The following PLEKHA7 variants were observed in gnomAD, a reference collection of about 807,000 sequenced individuals.
PLEKHA7 encodes pleckstrin homology domain containing A7.
Under a neutral mutation model 170.0 loss-of-function variants are expected in PLEKHA7, and 104 were observed. That is an observed-to-expected ratio of 0.61 (90% CI 0.52 to 0.72). The LOEUF (loss-of-function observed/expected upper bound fraction) is 0.72. Ranked by LOEUF, PLEKHA7 falls within the 30% of genes least tolerant of loss-of-function variation. The probability of loss-of-function intolerance (pLI) is 0.00; values close to 1 mark genes in which losing one functional copy is unlikely to be tolerated. For synonymous variants in PLEKHA7, 648 were observed against 660.8 expected, an observed-to-expected ratio of 0.98 and a Z score of 0.30; for missense variants, 1,615 against 1,671.7, an observed-to-expected ratio of 0.97 and a Z score of 0.59.
chr11:16,837,492 T>C (rs1851608675), intron 9 of PLEKHA7, among the ~76,000 whole-genome samples: 1 of 152,158 alleles, frequency 6.6e-6, no homozygotes, highest in Non-Finnish European at 1.5e-5. Context: ...ATCTCTAGTG[T>C]AATAACACAG....
intron 3 of PLEKHA7, among the ~76,000 whole-genome samples, chr11:16,954,813 C>T (rs536846741): frequency 9.2e-5 from 14 of 151,822 alleles, no homozygotes; most frequent in African/African-American, 3.4e-4. Context: ...GCTTCAGCCT[C>T]CGGAGTAGCT....
chr11:16,780,182 A>G lies in PLEKHA7; in HGVS notation c.3794-1162T>C, dbSNP rs548347602. On this transcript the variant is annotated intron_variant, in intron 26 of 26. Transcript: ENST00000531066. ...CTGGTAGTCTGACCTTCCCCTGTCC[A>G]GGTGAACCGCTGGGCTCAAAAGCAA... 1.4e-4 allele frequency among the ~76,000 whole-genome samples: 21 copies of G among 152,320 alleles called. No homozygotes were observed. In the South Asian group the frequency reaches 4.4e-3, roughly 32 times the overall value.
intron 4 of PLEKHA7, among the ~76,000 whole-genome samples, chr11:16,862,362 T>C (rs943546301): frequency 6.6e-6 from 1 of 152,224 alleles, no homozygotes; most frequent in Non-Finnish European, 1.5e-5. Context: ...TGTATGACCC[T>C]GGACCAGTCT....
Position 16,943,937 on chromosome 11 carries a change from T to C in PLEKHA7, c.221+70052A>G, listed in dbSNP as rs777086372. On this transcript the variant is annotated intron_variant, in intron 3 of 26. Coordinates refer to ENST00000531066, the MANE Select transcript of PLEKHA7 (RefSeq NM_001329630.2). ...CAGATTTCCAGGCCCTGCCCAGATATAATAATGAAGAAGTTTAGGGGATGG... is the reference window on the plus strand; with the variant it reads ...CAGATTTCCAGGCCCTGCCCAGATACAATAATGAAGAAGTTTAGGGGATGG... Among the ~76,000 whole-genome samples, 82 of 152,132 alleles carry C rather than the reference T, an allele frequency of 5.4e-4. 1 individual carries two copies. The highest frequency in any genetic ancestry group is 2.4e-4 in the Non-Finnish European group (16 of 68,010).
chr11:16,892,131 C>T (rs976523861), intron 3 of PLEKHA7, among the ~76,000 whole-genome samples: 1 of 152,158 alleles, frequency 6.6e-6, no homozygotes, highest in African/African-American at 2.4e-5. Flanking sequence ...AGAATGCAAA[C>T]CCCAAGCATG....
At chr11:16,968,049 C>T (rs967888423) in intron 3 of PLEKHA7, among the ~76,000 whole-genome samples, 1 of 152,096 alleles carries the variant, frequency 6.6e-6, no homozygotes, top group Non-Finnish European at 1.5e-5. Context: ...ATAGATAGAA[C>T]CCCACTTAGC....
intron 3 of PLEKHA7, among the ~76,000 whole-genome samples, chr11:16,992,013 C>A (rs1864071696): frequency 6.6e-6 from 1 of 152,170 alleles, no homozygotes; most frequent in African/African-American, 2.4e-5. Flanking sequence ...GCCAGGTAGT[C>A]CTGGGCCTTA....
chr11:16,868,376 G>A (rs962321344), intron 4 of PLEKHA7, among the ~76,000 whole-genome samples: 53 of 152,244 alleles, frequency 3.5e-4, no homozygotes, highest in African/African-American at 1.1e-3. Flanking sequence ...TGTAAAATGA[G>A]AAACTATCCT....
Position 16,817,704 on chromosome 11 carries a change from T to C in PLEKHA7, c.1344-382A>G, listed in dbSNP as rs988763840. Reference sequence around the variant, plus strand: ...AGATTTTCTCTCTGCCTGGTATCCTTAGCACCAAGTTCCAGAGGTTCATAA... The same window carrying C: ...AGATTTTCTCTCTGCCTGGTATCCTCAGCACCAAGTTCCAGAGGTTCATAA... On this transcript the variant is annotated intron_variant, in intron 10 of 26. Coordinates refer to ENST00000531066, the MANE Select transcript of PLEKHA7 (RefSeq NM_001329630.2). This position sits in a 1 kb window ranked among gnomAD's most constrained non-coding sequence, Gnocchi z 4.4. Among the ~76,000 whole-genome samples the C allele has an allele frequency of 6.6e-6, 1 of 152,206 alleles. No individual in the cohort carries two copies. The highest frequency in any genetic ancestry group is 1.5e-5 in the Non-Finnish European group (1 of 68,044).
intron 3 of PLEKHA7, among the ~76,000 whole-genome samples, chr11:16,950,502 T>TTA (rs1473225167): frequency 6.9e-6 from 1 of 144,774 alleles, no homozygotes; most frequent in Non-Finnish European, 1.5e-5. Flanking sequence ...AGATAAGACT[T>TTA]TTTTTTTTTT....
chr11:16,803,329 A>G (rs1848729181), intron 13 of PLEKHA7, 34 bp from the exon 14 acceptor site: 1 of 1,585,970 alleles, frequency 6.3e-7, no homozygotes, highest in Admixed American at 1.7e-5. Flanking sequence ...AGATTTAACC[A>G]TGGTGTTTGA....
chr11:16,837,279 C>A (rs1851592257), intron 9 of PLEKHA7, among the ~76,000 whole-genome samples: 2 of 152,148 alleles, frequency 1.3e-5, no homozygotes, highest in Non-Finnish European at 2.9e-5. Flanking sequence ...GGAGCCCTTC[C>A]AACACCAAAA....
intron 9 of PLEKHA7, among the ~76,000 whole-genome samples, chr11:16,828,057 C>A (rs1347392374): frequency 1.3e-5 from 2 of 152,190 alleles, no homozygotes; most frequent in East Asian, 3.9e-4. Flanking sequence ...ACAATGCCAA[C>A]ATAACGTGAA....
Position 16,791,710 on chromosome 11 carries a change from G to T in PLEKHA7, c.2746-511C>A. 1 of 457,266 alleles carries T rather than the reference G, an allele frequency of 2.2e-6. No individual in the cohort carries two copies. Among genetic ancestry groups the T allele is most frequent in the East Asian group, 6.9e-5 (1 of 14,414 alleles). The allele number at this position is 457,266 out of a possible 1,614,324, so 28.3% of individuals were successfully genotyped here. ...CAAGGACAGAGTCTACATCCTCCTG[G>T]CCTTTCTATCAGAAATGTGCATGGT... On this transcript the variant is annotated intron_variant, in intron 19 of 26. Transcript: ENST00000531066. The surrounding 1 kb of genome is among the most constrained non-coding windows in gnomAD (Gnocchi z 4.5).
At chr11:16,887,780 A>G (rs956774824) in intron 3 of PLEKHA7, among the ~76,000 whole-genome samples, 1 of 152,194 alleles carries the variant, frequency 6.6e-6, no homozygotes, top group African/African-American at 2.4e-5. Context: ...TTGGCCTCCC[A>G]AAGTGCCGAG....
In PLEKHA7 at chr11:16,817,217, GC is replaced by G. The variant is rs1849835781; in HGVS notation, c.1448del (p.Gly483AlafsTer23). On this transcript the variant is annotated frameshift_variant, in exon 11 of 27. Coordinates refer to ENST00000531066, the MANE Select transcript of PLEKHA7 (RefSeq NM_001329630.2). LOFTEE classifies it high-confidence loss of function. The surrounding 1 kb of genome is among the most constrained non-coding windows in gnomAD (Gnocchi z 4.4). ...LPKSTRHPSGGSSPPPRNLPS... is the reference protein window; with the variant it reads ...LPKSTRHPSGXSSPPPRNLPS... ...GCAGGTTTCGGGGAGGTGGCGAGGA[GC>G]CCCCCGAGGGGTGTCGGGTGCTCTT... 6.2e-7 allele frequency: 1 copy of G among 1,613,914 alleles called. No individual in the cohort carries two copies. The highest frequency in any genetic ancestry group is 1.1e-5 in the South Asian group (1 of 91,062).
intron 3 of PLEKHA7, among the ~76,000 whole-genome samples, chr11:16,916,792 T>TC (rs1462004694): frequency 3.9e-5 from 6 of 152,294 alleles, no homozygotes; most frequent in South Asian, 4.2e-4. Flanking sequence ...GCTCTTTTTT[T>TC]CCCACCATAA....
chr11:16,992,556 G>A (rs991106832), intron 3 of PLEKHA7, among the ~76,000 whole-genome samples: 1 of 152,168 alleles, frequency 6.6e-6, no homozygotes, highest in Non-Finnish European at 1.5e-5. Flanking sequence ...AGCAGTTCGA[G>A]ACCAGCCTGG....
chr11:16,850,376 G>A (rs954639193), intron 8 of PLEKHA7, among the ~76,000 whole-genome samples: 2 of 152,210 alleles, frequency 1.3e-5, no homozygotes, highest in African/African-American at 4.8e-5. Context: ...ACCAAGGGCT[G>A]CTTGCTTCAG....
Sources: allele counts gnomAD v4.1 joint callset (sites outside exome capture counted in the v4.1 genomes callset), GRCh38; gene constraint gnomAD v4.1.1; non-coding constraint Gnocchi (gnomAD v3.1); transcripts MANE v1.5; gene names NCBI Gene and HGNC (gene_info 2026-07-23, HGNC 2026-07-21).